The following PCDH15 variants were observed in gnomAD, a reference collection of about 807,000 sequenced individuals.
PCDH15 encodes the protein protocadherin-15.
In PCDH15, 129 loss-of-function variants were observed where a neutral mutation model predicts 178.5. The ratio of observed to expected loss-of-function variants is 0.72; its 90% CI spans 0.63 to 0.84. PCDH15 has a LOEUF of 0.84. Among genes scored for constraint, PCDH15 ranks in the 40% least tolerant of loss-of-function variants. The probability of loss-of-function intolerance (pLI) is 0.00; values close to 1 mark genes in which losing one functional copy is unlikely to be tolerated. For synonymous variants in PCDH15, 800 were observed against 732.0 expected, an observed-to-expected ratio of 1.09 and a Z score of -1.50; for missense variants, 2,230 against 2,099.9, an observed-to-expected ratio of 1.06 and a Z score of -1.21.
At chr10:55,577,717 T>G (rs1294982465) in intron 2 of PCDH15, among the ~76,000 whole-genome samples, 1 of 152,192 alleles carries the variant, frequency 6.6e-6, no homozygotes, top group East Asian at 1.9e-4. Flanking sequence ...ATTTTGGAGA[T>G]AAAGTCTAAT....
At chr10:54,929,333 C>G (rs969400762) in intron 2 of PCDH15, among the ~76,000 whole-genome samples, 1 of 152,248 alleles carries the variant, frequency 6.6e-6, no homozygotes, top group East Asian at 1.9e-4. Context: ...CTGGTCACTA[C>G]ACTTCAATGG....
chr10:54,667,432 C>T (rs1280315208), intron 1 of PCDH15, among the ~76,000 whole-genome samples: 1 of 152,030 alleles, frequency 6.6e-6, no homozygotes, highest in African/African-American at 2.4e-5. Context: ...AATATTGTGC[C>T]AATCAACTGA....
chr10:54,791,523 C>T (rs1318241562), intron 1 of PCDH15, among the ~76,000 whole-genome samples: 1 of 151,902 alleles, frequency 6.6e-6, no homozygotes, highest in Non-Finnish European at 1.5e-5. Flanking sequence ...CCCAACTTCT[C>T]TTCTAAGCTC....
At chr10:54,018,539 T>G (rs1327342774) in intron 20 of PCDH15, among the ~76,000 whole-genome samples, 2 of 152,104 alleles carry the variant, frequency 1.3e-5, no homozygotes, top group African/African-American at 4.8e-5. Flanking sequence ...AATATAATAC[T>G]GGCAAAGATT....
Position 53,822,585 on chromosome 10 carries a change from C to T in PCDH15, c.4368-2355G>A, listed in dbSNP as rs759247512. On this transcript the variant is annotated intron_variant, in intron 32 of 37. Transcript: ENST00000644397. ...TAACATACAAATAGGTGTCTCTCTC[C>T]TAGAGAGTGAAGAATGTAAAACACA... 3.1e-6 allele frequency: 5 copies of T among 1,613,828 alleles called. No individual in the cohort carries two copies. The highest frequency in any genetic ancestry group is 1.7e-5 in the Admixed American group (1 of 59,974).
chr10:54,492,988 AAG>A (rs1057295381), intron 3 of PCDH15, among the ~76,000 whole-genome samples: 6 of 152,090 alleles, frequency 3.9e-5, no homozygotes, highest in African/African-American at 1.4e-4. Flanking sequence ...GCAGCAGGCA[AAG>A]AGAGAGAATT....
At chr10:55,028,422 T>C (rs1304160995) in intron 2 of PCDH15, among the ~76,000 whole-genome samples, 1 of 151,840 alleles carries the variant, frequency 6.6e-6, no homozygotes, top group African/African-American at 2.4e-5. Context: ...ACAGACAAAA[T>C]GACCTCACGT....
intron 2 of PCDH15, among the ~76,000 whole-genome samples, chr10:55,571,035 G>A (rs573494716): frequency 5.6e-4 from 85 of 152,022 alleles, no homozygotes; most frequent in Non-Finnish European, 1.1e-3. Context: ...GTTGAACTGT[G>A]ATCCCCAGGT....
At chr10:54,760,552 C>T (rs563729926) in intron 1 of PCDH15, among the ~76,000 whole-genome samples, 54 of 152,262 alleles carry the variant, frequency 3.5e-4, no homozygotes, top group Middle Eastern at 6.8e-3. Flanking sequence ...ATGCAATTCA[C>T]GAACTGCTGC....
At chr10:54,522,115 TAAAATTATCTGTGATTGTG>T (rs2082943120) in intron 3 of PCDH15, among the ~76,000 whole-genome samples, 1 of 133,306 alleles carries the variant, frequency 7.5e-6, no homozygotes, top group Admixed American at 7.5e-5. Context: ...AAAAAAGGAA[TAAAATTATCTGTGATTGTG>T]AACAAACATC....
intron 2 of PCDH15, among the ~76,000 whole-genome samples, chr10:54,903,616 A>G (rs1410184567): frequency 6.6e-6 from 1 of 152,080 alleles, no homozygotes; most frequent in African/African-American, 2.4e-5. Flanking sequence ...AAAGAGCAGT[A>G]AGTATAATTA....
At chr10:55,006,468 G>T (rs1839930205) in intron 2 of PCDH15, among the ~76,000 whole-genome samples, 1 of 152,192 alleles carries the variant, frequency 6.6e-6, no homozygotes, top group Non-Finnish European at 1.5e-5. Flanking sequence ...TTTAGGAAAT[G>T]CAAGGTATAC....
intron 2 of PCDH15, among the ~76,000 whole-genome samples, chr10:54,653,083 A>T (rs1468911237): frequency 1.3e-5 from 2 of 152,214 alleles, no homozygotes; most frequent in African/African-American, 4.8e-5. Flanking sequence ...TGATAACCCT[A>T]TGAGAGAGGT....
intron 1 of PCDH15, among the ~76,000 whole-genome samples, chr10:54,791,317 A>G (rs1171030492): frequency 6.6e-6 from 1 of 151,880 alleles, no homozygotes; most frequent in African/African-American, 2.4e-5. Flanking sequence ...AAAAATAGCA[A>G]AGGTGGAAGC....
At chr10:54,753,274 C>G (rs945524) in intron 1 of PCDH15, among the ~76,000 whole-genome samples, 70,522 of 151,516 alleles carry the variant, frequency 0.47, 17,332 homozygotes, top group Middle Eastern at 0.64. Context: ...ACCTCTGCCT[C>G]CCAGGTTCAA....
intron 2 of PCDH15, among the ~76,000 whole-genome samples, chr10:55,033,920 T>A (rs1257346965): frequency 6.6e-6 from 1 of 152,218 alleles, no homozygotes; most frequent in East Asian, 1.9e-4. Flanking sequence ...TAGATGTCTT[T>A]ATTAAAGGGC....
intron 1 of PCDH15, among the ~76,000 whole-genome samples, chr10:55,262,734 G>C (rs957420094): frequency 6.6e-6 from 1 of 152,080 alleles, no homozygotes; most frequent in African/African-American, 2.4e-5. Flanking sequence ...AAAACCTTGC[G>C]CTCATTCTCC....
At chr10:55,464,648 A>ATG (rs1178123406) in intron 2 of PCDH15, among the ~76,000 whole-genome samples, 5 of 13,190 alleles carry the variant, frequency 3.8e-4, no homozygotes, top group African/African-American at 2.5e-3. Context: ...ATATATATAT[A>ATG]TATATATGTG....
At chr10:54,358,914 A>G (rs1375465502) in intron 5 of PCDH15, among the ~76,000 whole-genome samples, 1 of 151,164 alleles carries the variant, frequency 6.6e-6, no homozygotes, top group African/African-American at 2.4e-5. Flanking sequence ...TGCAAGAACA[A>G]AAAACCAAAC....
Sources: gnomAD v4.1 joint callset for allele counts (sites outside exome capture counted in the v4.1 genomes callset) on GRCh38, gnomAD v4.1.1 for gene constraint, MANE v1.5 for transcripts, NCBI Gene and HGNC (gene_info 2026-07-23, HGNC 2026-07-21) for gene names.